Variants in SINHCAF observed in about 807,000 individuals in gnomAD.
SINHCAF encodes the protein SIN3-HDAC complex-associated factor.
SINHCAF carries 3 observed loss-of-function variants against 25.8 expected under a neutral mutation model. That is an observed-to-expected ratio of 0.12 (90% CI 0.05 to 0.30). The LOEUF (loss-of-function observed/expected upper bound fraction) is 0.30, where lower values mean the gene tolerates loss of function less well. Among genes scored for constraint, SINHCAF ranks in the 10% least tolerant of loss-of-function variants. The pLI, the probability that SINHCAF is intolerant of heterozygous loss-of-function variation, is 1.00. For missense variants in SINHCAF, 121 were observed against 262.3 expected (o/e 0.46, Z 3.72); for synonymous variants, 70 against 85.5 (o/e 0.82, Z 1.00).
chr12:31,303,282 A>G, intron 1 of SINHCAF: 1 of 928,138 alleles, frequency 1.1e-6, no homozygotes. Flanking sequence ...ACAAATGATC[A>G]TACTTCATGT....
intron 2 of SINHCAF, among the ~76,000 whole-genome samples, chr12:31,296,022 A>C (rs1347553283): frequency 6.6e-6 from 1 of 151,934 alleles, no homozygotes; most frequent in East Asian, 1.9e-4. Flanking sequence ...CTCTACTTTA[A>C]AATTTTTTTT....
At chr12:31,288,666 C>T (rs1938179518) in intron 4 of SINHCAF, among the ~76,000 whole-genome samples, 1 of 152,112 alleles carries the variant, frequency 6.6e-6, no homozygotes, top group African/African-American at 2.4e-5. Flanking sequence ...TCCCTCTTTC[C>T]CTGCCCTGAG....
At chr12:31,322,714 T>G (rs1939745903) in intron 1 of SINHCAF, among the ~76,000 whole-genome samples, 1 of 152,210 alleles carries the variant, frequency 6.6e-6, no homozygotes, top group Non-Finnish European at 1.5e-5. Flanking sequence ...GTATCGATTT[T>G]TAGGTGTGTG....
At chr12:31,286,940 T>C (rs1034654852) in intron 5 of SINHCAF, among the ~76,000 whole-genome samples, 1 of 152,174 alleles carries the variant, frequency 6.6e-6, no homozygotes, top group African/African-American at 2.4e-5. Context: ...TTTTTTTAAA[T>C]AGAGTCTTGC....
At position 31,324,038 on chromosome 12, in the gene SINHCAF, G is replaced by T. The variant is rs1280664669; in HGVS notation, c.-21+1986C>A. On this transcript the variant is annotated intron_variant, in intron 1 of 5. Transcript: ENST00000337682. This position sits in a 1 kb window ranked among gnomAD's most constrained non-coding sequence, Gnocchi z 5.5. ...AGAATGCTCCCTGGTGGATTTGTTG[G>T]TAAATAAGACATCTCGCGTCGGGAG... The T allele has an allele frequency of 2.2e-6, 1 of 455,168 alleles. No homozygotes were observed. Among genetic ancestry groups the T allele is most frequent in the South Asian group, 1.5e-5 (1 of 64,520 alleles). 28.2% of individuals were successfully genotyped at this position (455,168 alleles called of 1,614,324 possible).
rs961841326 is a variant in SINHCAF, at chr12:31,280,729, C to T, written c.*1983G>A. ...GCATGACTACATACAGTACATCCTA[C>T]AGGCAAAGAGAGGTGGAAGGGGAAA... On this transcript the variant is annotated 3_prime_UTR_variant, in exon 6 of 6. Coordinates refer to ENST00000337682, the MANE Select transcript of SINHCAF (RefSeq NM_001135812.2). The T allele has an allele frequency of 6.6e-6, 1 of 152,344 alleles. No individual in the cohort carries two copies. Among genetic ancestry groups the T allele is most frequent in the Admixed American group, 6.6e-5 (1 of 15,244 alleles). The allele number at this position is 152,344 out of a possible 1,614,324, so 9.4% of individuals were successfully genotyped here.
chr12:31,295,064 T>C (rs1053103439), intron 3 of SINHCAF, among the ~76,000 whole-genome samples, 170 bp downstream of exon 3: 2 of 152,212 alleles, frequency 1.3e-5, no homozygotes, highest in African/African-American at 4.8e-5. Flanking sequence ...TATTCTGTTC[T>C]AAAGATGCCA....
At chr12:31,321,440 A>C (rs747795579) in intron 1 of SINHCAF, among the ~76,000 whole-genome samples, 26 of 152,194 alleles carry the variant, frequency 1.7e-4, no homozygotes, top group Non-Finnish European at 2.8e-4. Flanking sequence ...AATTTACTTA[A>C]TGTTTCCCCA....
rs145086666 is a variant in SINHCAF at position 31,296,488 on chromosome 12, C to T, written c.129-1155G>A. Among the ~76,000 whole-genome samples, 128 of 151,970 alleles carry T rather than the reference C, an allele frequency of 8.4e-4. 2 individuals are homozygous for T. Among genetic ancestry groups the T allele is most frequent in the African/African-American group, 2.7e-3 (112 of 41,444 alleles). On this transcript the variant is annotated intron_variant, in intron 2 of 5. Transcript: ENST00000337682. ...GCCTGTGTAGATATTTCATAAGTAT[C>T]AAAATGCTAACCTTTGGCAAGTAAA...
At chr12:31,299,524 G>A (rs1938697134) in intron 1 of SINHCAF, among the ~76,000 whole-genome samples, 1 of 152,062 alleles carries the variant, frequency 6.6e-6, no homozygotes. Context: ...CAGCATGTTA[G>A]CCAGGATGGT....
rs1485654088 is a variant in SINHCAF at position 31,324,926 on chromosome 12, T to C, written c.-21+1098A>G. 18 of 455,568 alleles carry C rather than the reference T, an allele frequency of 4.0e-5. No homozygotes were observed. The highest frequency in any genetic ancestry group is 3.1e-5 in the Non-Finnish European group (7 of 226,168). 28.2% of individuals were successfully genotyped at this position (455,568 alleles called of 1,614,324 possible). A position where few individuals can be genotyped will look rare whatever the true frequency, so the allele number is the denominator to read the frequency against. ...TGCTTTTTAAACTGGCAAGACGCCATCATCAGCAAACCACATTGTCCTGCC... is the reference window on the plus strand; with the variant it reads ...TGCTTTTTAAACTGGCAAGACGCCACCATCAGCAAACCACATTGTCCTGCC... On this transcript the variant is annotated intron_variant, in intron 1 of 5. Transcript: ENST00000337682. The surrounding 1 kb of genome is among the most constrained non-coding windows in gnomAD (Gnocchi z 5.5).
chr12:31,302,393 A>G lies in SINHCAF; in HGVS notation c.-20-4169T>C, dbSNP rs555559486. 1.9e-3 allele frequency among the ~76,000 whole-genome samples: 281 copies of G among 151,508 alleles called. 1 individual carries two copies. Among genetic ancestry groups the G allele is most frequent in the African/African-American group, 6.4e-3 (264 of 41,200 alleles). ...AGATCTCAGTAAGCCTGTTTTTGAG[A>G]TATTTAAAAATAAAAATAACTGAGT... On this transcript the variant is annotated intron_variant, in intron 1 of 5. Transcript: ENST00000337682.
rs71444394 is a variant in SINHCAF, at chr12:31,300,043, C to A, written c.-20-1819G>T. Among the ~76,000 whole-genome samples the A allele has an allele frequency of 2.3e-3, 357 of 152,278 alleles. 1 individual carries two copies. Among genetic ancestry groups the A allele is most frequent in the Non-Finnish European group, 3.0e-3 (201 of 68,026 alleles). On this transcript the variant is annotated intron_variant, in intron 1 of 5. Coordinates refer to ENST00000337682, the MANE Select transcript of SINHCAF (RefSeq NM_001135812.2). ...GCAGTCTGTGGTTGACCGAAACGTC[C>A]TTGTGTGACATATGGCTGTATTTGT... is the stretch of plus-strand genomic sequence containing the variant.
intron 1 of SINHCAF, among the ~76,000 whole-genome samples, chr12:31,317,588 C>G (rs1248731011): frequency 6.6e-6 from 1 of 151,720 alleles, no homozygotes; most frequent in African/African-American, 2.4e-5. Context: ...ATAAAAGAAG[C>G]TTACTTTCAC....
intron 5 of SINHCAF, among the ~76,000 whole-genome samples, chr12:31,285,556 T>C (rs1473696869): frequency 2.6e-5 from 4 of 152,126 alleles, no homozygotes; most frequent in Non-Finnish European, 4.4e-5. Flanking sequence ...AACACTATGA[T>C]AAAATGTATC....
At chr12:31,291,808 A>T (rs767731572) in intron 4 of SINHCAF, among the ~76,000 whole-genome samples, 1 of 151,906 alleles carries the variant, frequency 6.6e-6, no homozygotes, top group Non-Finnish European at 1.5e-5. Context: ...AAGAGAATAC[A>T]GGCCTGGTAT....
At chr12:31,293,062 T>A (rs1012689468) in intron 4 of SINHCAF, among the ~76,000 whole-genome samples, 2 of 152,238 alleles carry the variant, frequency 1.3e-5, no homozygotes, top group Non-Finnish European at 2.9e-5. Context: ...CTAGCCTATG[T>A]ACCATCTATT....
At chr12:31,304,178 C>T (rs57484461) in intron 1 of SINHCAF, 1 of 150,728 alleles carries the variant, frequency 6.6e-6, no homozygotes, top group African/African-American at 2.4e-5. Flanking sequence ...GCTATTTACA[C>T]TATGTGCCCA....
chr12:31,321,585 T>C (rs1263914281), intron 1 of SINHCAF, among the ~76,000 whole-genome samples: 1 of 152,214 alleles, frequency 6.6e-6, no homozygotes. Flanking sequence ...TAGGTATTAC[T>C]ACCATTTTAC....
Sources: gnomAD v4.1 joint callset for allele counts (sites outside exome capture counted in the v4.1 genomes callset) on GRCh38, gnomAD v4.1.1 for gene constraint, Gnocchi (gnomAD v3.1) non-coding constraint, MANE v1.5 for transcripts, NCBI Gene and HGNC (gene_info 2026-07-23, HGNC 2026-07-21) for gene names.